The following THSD7B variants were observed in gnomAD, a reference collection of about 807,000 sequenced individuals.
The protein encoded by THSD7B is thrombospondin type 1 domain containing 7B.
THSD7B carries 138 observed loss-of-function variants against 213.6 expected under a neutral mutation model. The ratio of observed to expected loss-of-function variants is 0.65; its 90% CI spans 0.56 to 0.74. The LOEUF is 0.74. Ranked by LOEUF, THSD7B falls within the 30% of genes least tolerant of loss-of-function variation. The pLI is 0.00. For synonymous variants in THSD7B, 742 were observed against 687.0 expected, an observed-to-expected ratio of 1.08 and a Z score of -1.25; for missense variants, 1,931 against 1,991.5, an observed-to-expected ratio of 0.97 and a Z score of 0.58.
chr2:136,806,422 C>T (rs1329995678), intron 1 of THSD7B, among the ~76,000 whole-genome samples: 1 of 152,092 alleles, frequency 6.6e-6, no homozygotes, highest in Non-Finnish European at 1.5e-5. Context: ...GTATGATAAT[C>T]CATGAAATCT....
chr2:137,263,831 T>C (rs1017286970), intron 10 of THSD7B, among the ~76,000 whole-genome samples: 1 of 152,204 alleles, frequency 6.6e-6, no homozygotes, highest in Non-Finnish European at 1.5e-5. Context: ...AAAACCTTCC[T>C]ACTCATAGTT....
intron 12 of THSD7B, among the ~76,000 whole-genome samples, chr2:137,356,727 C>T (rs1685136929): frequency 6.6e-6 from 1 of 152,140 alleles, no homozygotes; most frequent in African/African-American, 2.4e-5. Flanking sequence ...CCAGCTTCTC[C>T]AGTGACAGCT....
chr2:137,156,483 GT>G (rs1679911563), intron 5 of THSD7B, among the ~76,000 whole-genome samples: 1 of 152,136 alleles, frequency 6.6e-6, no homozygotes, highest in Non-Finnish European at 1.5e-5. Flanking sequence ...ATCCCTCCCT[GT>G]TCTTTTCCAG....
chr2:137,076,345 T>C (rs1687622313), intron 3 of THSD7B, among the ~76,000 whole-genome samples: 1 of 152,230 alleles, frequency 6.6e-6, no homozygotes, highest in Non-Finnish European at 1.5e-5. Flanking sequence ...GGGACTGCTG[T>C]TCTAGCAATA....
intron 21 of THSD7B, among the ~76,000 whole-genome samples, chr2:137,651,468 G>A (rs756094525): frequency 1.3e-5 from 2 of 151,188 alleles, no homozygotes; most frequent in Non-Finnish European, 3.0e-5. Context: ...TTTTTTCTTA[G>A]TCTAGCTAAA....
At chr2:136,983,946 A>G (rs555145184) in intron 2 of THSD7B, among the ~76,000 whole-genome samples, 1 of 152,242 alleles carries the variant, frequency 6.6e-6, no homozygotes, top group Non-Finnish European at 1.5e-5. Context: ...ACTGATCACT[A>G]GTCTATAGAC....
chr2:137,395,990 C>T (rs1686174236), intron 12 of THSD7B, among the ~76,000 whole-genome samples: 1 of 152,152 alleles, frequency 6.6e-6, no homozygotes, highest in Non-Finnish European at 1.5e-5. Flanking sequence ...GTTTGTATTT[C>T]TGTGGGACCG....
At chr2:136,966,684 C>T (rs1383294202) in intron 2 of THSD7B, among the ~76,000 whole-genome samples, 1 of 152,072 alleles carries the variant, frequency 6.6e-6, no homozygotes, top group African/African-American at 2.4e-5. Context: ...CCTATTCAGC[C>T]GATGACAAAA....
chr2:137,616,303 G>C lies in THSD7B; in HGVS notation c.3552G>C (p.Gln1184His), dbSNP rs988613929. ...CLLNENCFQF[Q>H]YNLTEWSTCQ... ...TGAATGAAAATTGCTTCCAGTTCCA[G>C]TACAATCTAACAGGTACAGTTAAAA... The change falls in exon 18 of 28, where the codon CAG becomes CAC. Residue 1184 changes from glutamine (Q) to histidine (H), a missense_variant. Gln to His is a conservative substitution (Grantham distance 24, BLOSUM62 0). Transcript: ENST00000409968. 6.2e-7 allele frequency: 1 copy of C among 1,613,586 alleles called. No individual in the cohort carries two copies. The highest frequency in any genetic ancestry group is 1.3e-5 in the African/African-American group (1 of 75,004).
chr2:137,019,030 C>G (rs1208972509), intron 2 of THSD7B, among the ~76,000 whole-genome samples: 2 of 152,036 alleles, frequency 1.3e-5, no homozygotes, highest in Non-Finnish European at 2.9e-5. Flanking sequence ...TTGTCCCTGC[C>G]CCCATCCCAG....
intron 2 of THSD7B, among the ~76,000 whole-genome samples, chr2:137,029,296 C>G (rs1329173194): frequency 6.6e-6 from 1 of 152,038 alleles, no homozygotes; most frequent in African/African-American, 2.4e-5. Flanking sequence ...CCAGGCTGGT[C>G]TCGAACTCCT....
chr2:137,376,448 G>A (rs1317108738), intron 12 of THSD7B, among the ~76,000 whole-genome samples: 1 of 152,114 alleles, frequency 6.6e-6, no homozygotes, highest in Non-Finnish European at 1.5e-5. Context: ...CAAATCCAGA[G>A]CAACTGTTAA....
chr2:136,896,332 A>G (rs779720665), intron 2 of THSD7B, among the ~76,000 whole-genome samples: 53 of 152,166 alleles, frequency 3.5e-4, no homozygotes, highest in Non-Finnish European at 2.8e-4. Context: ...CTTTGAAAGT[A>G]TTAGCCACTT....
chr2:137,222,058 T>C (rs958958834), intron 7 of THSD7B, among the ~76,000 whole-genome samples: 22 of 152,242 alleles, frequency 1.4e-4, no homozygotes, highest in African/African-American at 5.3e-4. Flanking sequence ...AGACATAGTA[T>C]CTTTAACTCA....
intron 1 of THSD7B, among the ~76,000 whole-genome samples, chr2:136,876,282 C>G (rs1053781090): frequency 1.2e-4 from 18 of 152,130 alleles, no homozygotes; most frequent in Non-Finnish European, 5.9e-5. Flanking sequence ...CATTTGCTTT[C>G]CCAGGGGTAT....
intron 2 of THSD7B, among the ~76,000 whole-genome samples, chr2:136,962,915 A>G (rs1897087): frequency 0.094 from 14,316 of 152,206 alleles, 847 homozygotes; most frequent in East Asian, 0.21. Flanking sequence ...TAATATTTCA[A>G]TTCTGATTTT....
intron 2 of THSD7B, among the ~76,000 whole-genome samples, chr2:136,962,288 C>G (rs950230729): frequency 1.3e-5 from 2 of 151,728 alleles, no homozygotes; most frequent in African/African-American, 4.8e-5. Context: ...AGATTTATTT[C>G]AGACTTCTGA....
At chr2:136,849,873 A>G (rs1683069444) in intron 1 of THSD7B, among the ~76,000 whole-genome samples, 1 of 152,132 alleles carries the variant, frequency 6.6e-6, no homozygotes, top group Non-Finnish European at 1.5e-5. Context: ...TCAAATCTTA[A>G]TAGTTTTTTT....
intron 1 of THSD7B, among the ~76,000 whole-genome samples, chr2:136,878,925 A>G (rs13397019): frequency 0.081 from 12,260 of 152,026 alleles, 650 homozygotes; most frequent in Middle Eastern, 0.18. Flanking sequence ...GTTTAATTAG[A>G]TCCCATTTGT....
Sources: gnomAD v4.1 joint callset for allele counts (sites outside exome capture counted in the v4.1 genomes callset) on GRCh38, gnomAD v4.1.1 for gene constraint, MANE v1.5 for transcripts, NCBI Gene and HGNC (gene_info 2026-07-23, HGNC 2026-07-21) for gene names.